Variants in PCSK5 observed in about 807,000 individuals in gnomAD.
The protein encoded by PCSK5 is prohormone convertase 5.
Under a neutral mutation model 233.2 loss-of-function variants are expected in PCSK5, and 129 were observed. The observed-to-expected ratio is 0.55, with a 90% confidence interval of 0.48 to 0.64. The LOEUF (loss-of-function observed/expected upper bound fraction) is 0.64. Ranked by LOEUF, PCSK5 falls within the 30% of genes least tolerant of loss-of-function variation. The probability of loss-of-function intolerance (pLI) is 0.00; values close to 1 mark genes in which losing one functional copy is unlikely to be tolerated. For synonymous variants in PCSK5, 825 were observed against 879.2 expected, an observed-to-expected ratio of 0.94 and a Z score of 1.09; for missense variants, 2,076 against 2,430.1, an observed-to-expected ratio of 0.85 and a Z score of 3.06.
chr9:76,195,314 TTAAC>T (rs1470748911), intron 20 of PCSK5: 3 of 152,170 alleles, frequency 2.0e-5, no homozygotes, highest in Non-Finnish European at 4.4e-5. Flanking sequence ...AGAAATCTAT[TTAAC>T]TGAATCAGCC....
intron 19 of PCSK5, 80 bp downstream of exon 19, chr9:76,189,303 C>CTT (rs1400086250): frequency 9.8e-7 from 1 of 1,018,776 alleles, no homozygotes; most frequent in African/African-American, 1.6e-5. Flanking sequence ...AATAAGAAAA[C>CTT]TTAGAATTTG....
At chr9:76,345,615 G>A (rs1234896602) in intron 35 of PCSK5, among the ~76,000 whole-genome samples, 3 of 151,606 alleles carry the variant, frequency 2.0e-5, no homozygotes, top group Non-Finnish European at 2.9e-5. Flanking sequence ...GTAGAGACGG[G>A]GTTTCACCAT....
At chr9:75,891,453 C>T in intron 1 of PCSK5, 80 bp downstream of exon 1, 1 of 1,159,952 alleles carries the variant, frequency 8.6e-7, no homozygotes, top group Non-Finnish European at 1.2e-6. Flanking sequence ...GAACCCCCTC[C>T]CCCTCTTCCA....
intron 2 of PCSK5, among the ~76,000 whole-genome samples, chr9:75,958,152 GC>G (rs1825177473): frequency 6.6e-6 from 1 of 152,152 alleles, no homozygotes; most frequent in Non-Finnish European, 1.5e-5. Flanking sequence ...AAAAGATTAT[GC>G]AAAAAGTAAT....
chr9:76,187,469 C>A (rs1400663726), intron 17 of PCSK5, among the ~76,000 whole-genome samples: 1 of 152,044 alleles, frequency 6.6e-6, no homozygotes, highest in Non-Finnish European at 1.5e-5. Context: ...TCAAGCAATC[C>A]TCTGGCCTCA....
At chr9:76,160,855 C>A (rs1822823884) in intron 12 of PCSK5, among the ~76,000 whole-genome samples, 1 of 151,856 alleles carries the variant, frequency 6.6e-6, no homozygotes, top group African/African-American at 2.4e-5. Context: ...CTCACTGCAT[C>A]CTCCACCTCC....
At chr9:76,265,403 G>T (rs1827304450) in intron 24 of PCSK5, among the ~76,000 whole-genome samples, 1 of 150,892 alleles carries the variant, frequency 6.6e-6, no homozygotes, top group South Asian at 2.1e-4. Context: ...AATAAAAGTT[G>T]AAAAAAGGTG....
chr9:76,331,754 C>T (rs1829543863), intron 33 of PCSK5, among the ~76,000 whole-genome samples: 1 of 151,814 alleles, frequency 6.6e-6, no homozygotes, highest in Admixed American at 6.6e-5. Context: ...AGAGAAGCTA[C>T]TGCACTGCTG....
intron 17 of PCSK5, among the ~76,000 whole-genome samples, chr9:76,187,221 T>TAAAG (rs1554702586): frequency 6.6e-6 from 1 of 152,204 alleles, no homozygotes; most frequent in Admixed American, 6.5e-5. Context: ...TGGAGCAGTA[T>TAAAG]AAAGAGTTTA....
chr9:75,920,615 G>T (rs1004146231), intron 1 of PCSK5, among the ~76,000 whole-genome samples: 28 of 152,080 alleles, frequency 1.8e-4, no homozygotes, highest in African/African-American at 6.5e-4. Context: ...GACCAGCCTG[G>T]GCAACATGAC....
At chr9:76,059,323 G>A (rs550889168) in intron 5 of PCSK5, among the ~76,000 whole-genome samples, 14 of 152,194 alleles carry the variant, frequency 9.2e-5, no homozygotes, top group African/African-American at 3.4e-4. Context: ...TGTTCACTCT[G>A]ATGGTAGTTT....
intron 1 of PCSK5, among the ~76,000 whole-genome samples, chr9:75,925,201 G>C (rs1271463141): frequency 6.6e-6 from 1 of 152,122 alleles, no homozygotes; most frequent in Admixed American, 6.6e-5. Flanking sequence ...GTGGTTATTG[G>C]TGATACATTC....
chr9:76,246,910 G>T lies in PCSK5; in HGVS notation c.3142+6226G>T, dbSNP rs143179159. On this transcript the variant is annotated intron_variant, in intron 24 of 37. Coordinates refer to ENST00000674117, the MANE Select transcript of PCSK5 (RefSeq NM_001372043.1). ...GCCACTTCCAAAATGGCGGCAGGCC[G>T]CTTCCAAAATGGTTGCAAGCCTCAT... Among the ~76,000 whole-genome samples, 13 of 152,342 alleles carry T rather than the reference G, an allele frequency of 8.5e-5. No homozygotes were observed. In the East Asian group the frequency reaches 2.5e-3, roughly 29 times the overall value.
At chr9:76,273,850 A>T (rs1827609255) in intron 24 of PCSK5, among the ~76,000 whole-genome samples, 2 of 141,742 alleles carry the variant, frequency 1.4e-5, no homozygotes, top group African/African-American at 2.6e-5. Flanking sequence ...GTCTTGCTAT[A>T]TTGCCTAGGC....
At chr9:76,190,295 C>CTGTGAATTA (rs142544897) in intron 20 of PCSK5, among the ~76,000 whole-genome samples, 3,531 of 150,880 alleles carry the variant, frequency 0.023, 55 homozygotes, top group Middle Eastern at 0.035. Flanking sequence ...TGAAACTCCT[C>CTGTGAATTA]TGTGAATTAC....
At chr9:76,158,365 G>A (rs1822697551) in intron 11 of PCSK5, among the ~76,000 whole-genome samples, 1 of 152,160 alleles carries the variant, frequency 6.6e-6, no homozygotes, top group South Asian at 2.1e-4. Context: ...AGTAGTGTGT[G>A]CAAAGTCCCC....
chr9:76,125,708 A>G (rs1051354569), intron 9 of PCSK5, among the ~76,000 whole-genome samples: 2 of 152,162 alleles, frequency 1.3e-5, no homozygotes, highest in Non-Finnish European at 2.9e-5. Context: ...TGTACAAGAA[A>G]AAAATCCACA....
Position 76,216,061 on chromosome 9 carries a change from G to A in PCSK5, c.2627-11442G>A, listed in dbSNP as rs529659398. Among the ~76,000 whole-genome samples the A allele has an allele frequency of 2.0e-5, 3 of 152,284 alleles. No homozygotes were observed. The East Asian group carries it at 5.8e-4, about 29-fold the overall frequency. ...ACTGAATTGTTCTAGAGGCCACATA[G>A]ACTTTCTAGAGCTACAATGTTTCTA... On this transcript the variant is annotated intron_variant, in intron 20 of 37. Coordinates refer to ENST00000674117, the MANE Select transcript of PCSK5 (RefSeq NM_001372043.1).
Position 76,184,774 on chromosome 9 carries a change from T to C in PCSK5, c.2282+17T>C, listed in dbSNP as rs746697677. The C allele has an allele frequency of 2.1e-6, 3 of 1,452,336 alleles. No individual in the cohort carries two copies. The South Asian group carries it at 3.5e-5, about 17-fold the overall frequency. 90.0% of individuals were successfully genotyped at this position (1,452,336 alleles called of 1,614,324 possible). On this transcript the variant is annotated intron_variant, in intron 17 of 37. Transcript: ENST00000674117. ...TGGGTTAAGGTAAGAGAGTGAAGGA[T>C]TTTATCAAGTAACACAGCCCAAAGA...
Sources: allele counts gnomAD v4.1 joint callset (sites outside exome capture counted in the v4.1 genomes callset), GRCh38; gene constraint gnomAD v4.1.1; transcripts MANE v1.5; gene names NCBI Gene and HGNC (gene_info 2026-07-23, HGNC 2026-07-21).